Variants in FAM135B observed in about 807,000 individuals in gnomAD.
FAM135B encodes family with sequence similarity 135 member B, also known as protein FAM135B.
In FAM135B, 43 loss-of-function variants were observed where a neutral mutation model predicts 127.7. The ratio of observed to expected loss-of-function variants is 0.34; its 90% CI spans 0.26 to 0.43. The LOEUF is 0.43. Among genes scored for constraint, FAM135B ranks in the 20% least tolerant of loss-of-function variants. The pLI is 1.00. For synonymous variants in FAM135B, 670 were observed against 665.1 expected (o/e 1.01, Z -0.11); for missense variants, 1,558 against 1,725.6 (o/e 0.90, Z 1.72).
intron 3 of FAM135B, among the ~76,000 whole-genome samples, chr8:138,301,382 T>C (rs762039572): frequency 6.6e-6 from 1 of 152,196 alleles, no homozygotes; most frequent in Non-Finnish European, 1.5e-5. Flanking sequence ...TTTTTTTTCT[T>C]TAAGTAACGC....
intron 3 of FAM135B, among the ~76,000 whole-genome samples, chr8:138,306,095 C>T (rs1379352906): frequency 1.3e-5 from 2 of 152,142 alleles, no homozygotes; most frequent in African/African-American, 4.8e-5. Flanking sequence ...ATCTGCATAA[C>T]TAGCTGTTGG....
intron 7 of FAM135B, among the ~76,000 whole-genome samples, chr8:138,238,135 G>A (rs1183187722): frequency 6.6e-6 from 1 of 152,174 alleles, no homozygotes; most frequent in African/African-American, 2.4e-5. Flanking sequence ...AAACCACGTG[G>A]CAGACTCTTC....
intron 3 of FAM135B, among the ~76,000 whole-genome samples, chr8:138,303,593 A>C (rs947130329): frequency 1.3e-5 from 2 of 152,200 alleles, no homozygotes; most frequent in African/African-American, 2.4e-5. Context: ...CCAGAACTTA[A>C]AGTAAAATAA....
chr8:138,244,971 T>C (rs1821164309), intron 6 of FAM135B, among the ~76,000 whole-genome samples: 2 of 152,208 alleles, frequency 1.3e-5, no homozygotes, highest in Admixed American at 1.3e-4. Context: ...AAACTGCTTT[T>C]CTGGAAAAGC....
intron 1 of FAM135B, among the ~76,000 whole-genome samples, chr8:138,377,713 G>A (rs1195151424): frequency 6.6e-6 from 1 of 152,182 alleles, no homozygotes; most frequent in Non-Finnish European, 1.5e-5. Context: ...GACCTAGCAA[G>A]TTCTTGAGAT....
chr8:138,221,856 C>T (rs779009522), intron 7 of FAM135B, among the ~76,000 whole-genome samples: 11 of 152,266 alleles, frequency 7.2e-5, no homozygotes, highest in South Asian at 2.1e-4. Context: ...TGCACACACA[C>T]GCACATGCGC....
chr8:138,187,470 C>A (rs770913640), intron 9 of FAM135B, among the ~76,000 whole-genome samples: 22 of 152,292 alleles, frequency 1.4e-4, no homozygotes, highest in Non-Finnish European at 3.2e-4. Flanking sequence ...GCTGGCCAAG[C>A]CTCTTCTCTC....
At chr8:138,470,490 A>G (rs1837618813) in intron 1 of FAM135B, among the ~76,000 whole-genome samples, 1 of 152,222 alleles carries the variant, frequency 6.6e-6, no homozygotes, top group African/African-American at 2.4e-5. Context: ...ATTATCAAAT[A>G]TAATTAGATT....
chr8:138,287,851 G>A (rs912744208), intron 3 of FAM135B, among the ~76,000 whole-genome samples: 2 of 152,150 alleles, frequency 1.3e-5, no homozygotes, highest in African/African-American at 2.4e-5. Context: ...AAATCTACAC[G>A]TTACCTATTA....
At chr8:138,297,792 C>T (rs1006846581) in intron 3 of FAM135B, among the ~76,000 whole-genome samples, 1 of 152,176 alleles carries the variant, frequency 6.6e-6, no homozygotes, top group Non-Finnish European at 1.5e-5. Context: ...ATGGATAGGA[C>T]TTAAAATTTT....
intron 1 of FAM135B, among the ~76,000 whole-genome samples, chr8:138,369,822 AC>A (rs1466587059): frequency 6.6e-6 from 1 of 151,980 alleles, no homozygotes; most frequent in Non-Finnish European, 1.5e-5. Flanking sequence ...TTTTCTCATC[AC>A]CCCACTCAGT....
intron 7 of FAM135B, among the ~76,000 whole-genome samples, chr8:138,237,663 G>C (rs910943922): frequency 1.1e-4 from 16 of 152,088 alleles, no homozygotes; most frequent in African/African-American, 3.9e-4. Context: ...CAGTCGTATG[G>C]GTGGGCCCTG....
At chr8:138,397,094 C>T (rs898697118) in intron 1 of FAM135B, among the ~76,000 whole-genome samples, 1 of 152,182 alleles carries the variant, frequency 6.6e-6, no homozygotes, top group Non-Finnish European at 1.5e-5. Context: ...CAGTCCCAGT[C>T]CTGAGCTGCC....
chr8:138,343,959 T>C (rs142864195), intron 2 of FAM135B, among the ~76,000 whole-genome samples: 1 of 152,070 alleles, frequency 6.6e-6, no homozygotes, highest in Non-Finnish European at 1.5e-5. Flanking sequence ...TTTCACCCAA[T>C]GCAGATCTTC....
rs1820848978 is a variant in FAM135B, at chr8:138,242,166, TG to T, written c.669+775del. 1.2e-4 allele frequency among the ~76,000 whole-genome samples: 1 copy of T among 8,110 alleles called. No homozygotes were observed. The highest frequency in any genetic ancestry group is 2.9e-4 in the Non-Finnish European group (1 of 3,502). 5.3% of individuals were successfully genotyped at this position (8,110 alleles called of 152,430 possible). ...GTCAATTACTTATGATAAATCTCTT[TG>T]TGTGTGTGTGTGTGTGTGTGTGTGT... On this transcript the variant is annotated intron_variant, in intron 7 of 19. Transcript: ENST00000395297. The surrounding 1 kb of genome is among the most constrained non-coding windows in gnomAD (Gnocchi z 9.6).
At chr8:138,287,409 G>A (rs1298121935) in intron 3 of FAM135B, among the ~76,000 whole-genome samples, 3 of 143,834 alleles carry the variant, frequency 2.1e-5, no homozygotes, top group African/African-American at 7.6e-5. Context: ...GCTAGTGGAA[G>A]TTGAAACTGA....
intron 2 of FAM135B, among the ~76,000 whole-genome samples, chr8:138,317,782 C>T (rs911902707): frequency 2.0e-5 from 3 of 152,150 alleles, no homozygotes; most frequent in African/African-American, 7.2e-5. Flanking sequence ...TTTCTGCTTT[C>T]GATGGATATA....
rs1833909684 is a variant in FAM135B at position 138,412,250 on chromosome 8, A to G, written c.-19-44248T>C. On this transcript the variant is annotated intron_variant, in intron 1 of 19. Coordinates refer to ENST00000395297, the MANE Select transcript of FAM135B (RefSeq NM_015912.4). ...GAAATTATTTAAAGAAACAAAAGAA[A>G]AAGGAAGTGAGTCCTTCTTAAGAGG... is the stretch of plus-strand genomic sequence containing the variant. 2.0e-5 allele frequency among the ~76,000 whole-genome samples: 3 copies of G among 152,204 alleles called. No homozygotes were observed. The South Asian group carries it at 6.2e-4, about 32-fold the overall frequency.
At chr8:138,201,223 C>T (rs1356766899) in intron 7 of FAM135B, among the ~76,000 whole-genome samples, 1 of 152,174 alleles carries the variant, frequency 6.6e-6, no homozygotes, top group Non-Finnish European at 1.5e-5. Context: ...TGTCTCACCA[C>T]CTTGGTCTCA....
Sources: allele counts gnomAD v4.1 joint callset (sites outside exome capture counted in the v4.1 genomes callset), GRCh38; gene constraint gnomAD v4.1.1; non-coding constraint Gnocchi (gnomAD v3.1); transcripts MANE v1.5; gene names NCBI Gene and HGNC (gene_info 2026-07-23, HGNC 2026-07-21).